The following AKAP6 variants were observed in gnomAD, a reference collection of about 807,000 sequenced individuals.
AKAP6 encodes A-kinase anchor protein 6.
In AKAP6, 58 loss-of-function variants were observed where a neutral mutation model predicts 188.5. The ratio of observed to expected loss-of-function variants is 0.31; its 90% confidence interval spans 0.25 to 0.38. The LOEUF (loss-of-function observed/expected upper bound fraction) is 0.38. Among genes scored for constraint, AKAP6 ranks in the 10% least tolerant of loss-of-function variants. The probability of loss-of-function intolerance (pLI) is 1.00; values close to 1 mark genes in which losing one functional copy is unlikely to be tolerated. For missense variants in AKAP6, 2,710 were observed against 2,740.0 expected (o/e 0.99, Z 0.24); for synonymous variants, 989 against 998.6 (o/e 0.99, Z 0.18).
chr14:32,357,487 G>T (rs998633328), intron 1 of AKAP6, among the ~76,000 whole-genome samples: 2 of 152,144 alleles, frequency 1.3e-5, no homozygotes, highest in African/African-American at 4.8e-5. Flanking sequence ...TCGAGTTGAG[G>T]TTAGATTTAC....
intron 2 of AKAP6, among the ~76,000 whole-genome samples, chr14:32,493,519 A>C (rs1050237727): frequency 6.6e-6 from 1 of 152,124 alleles, no homozygotes; most frequent in East Asian, 1.9e-4. Flanking sequence ...CCTAAGGCAC[A>C]CTAAAAAGAT....
intron 11 of AKAP6, among the ~76,000 whole-genome samples, chr14:32,749,145 A>T (rs536668611): frequency 6.6e-6 from 1 of 152,184 alleles, no homozygotes; most frequent in Admixed American, 6.6e-5. Context: ...CCTATGACCT[A>T]GGACTTTCAG....
intron 2 of AKAP6, among the ~76,000 whole-genome samples, chr14:32,456,390 C>T (rs757684526): frequency 2.0e-5 from 3 of 151,914 alleles, no homozygotes; most frequent in South Asian, 2.1e-4. Flanking sequence ...TCAAAAAAAC[C>T]AAAGAGATCA....
chr14:32,604,318 T>C (rs565983485), intron 7 of AKAP6, among the ~76,000 whole-genome samples: 3 of 152,234 alleles, frequency 2.0e-5, no homozygotes, highest in African/African-American at 4.8e-5. Context: ...CTTGACATGA[T>C]TGAGCCAGCA....
intron 1 of AKAP6, among the ~76,000 whole-genome samples, chr14:32,389,406 G>GT (rs371335059): frequency 1.8e-4 from 27 of 148,218 alleles, no homozygotes; most frequent in South Asian, 8.6e-4. Flanking sequence ...TGTATACCTT[G>GT]TTTTTTTTTT....
chr14:32,383,657 G>A (rs1398972907), intron 1 of AKAP6, among the ~76,000 whole-genome samples: 1 of 152,092 alleles, frequency 6.6e-6, no homozygotes, highest in African/African-American at 2.4e-5. Flanking sequence ...GCCTGCTCTG[G>A]GAGCTCCCTG....
intron 2 of AKAP6, among the ~76,000 whole-genome samples, chr14:32,437,629 C>A (rs1258001816): frequency 6.6e-6 from 1 of 152,076 alleles, no homozygotes; most frequent in Non-Finnish European, 1.5e-5. Flanking sequence ...CAGGGTCTCA[C>A]TCCGTCACCC....
intron 9 of AKAP6, among the ~76,000 whole-genome samples, chr14:32,727,191 C>T (rs2139811389): frequency 6.6e-6 from 1 of 152,190 alleles, no homozygotes; most frequent in East Asian, 1.9e-4. Context: ...TTTTCTCACC[C>T]TTGACATGGG....
chr14:32,347,679 T>C (rs1374097343), intron 1 of AKAP6, among the ~76,000 whole-genome samples: 1 of 152,238 alleles, frequency 6.6e-6, no homozygotes, highest in Non-Finnish European at 1.5e-5. Flanking sequence ...GACTCTCAAT[T>C]CCATGCTGTC....
At chr14:32,380,301 C>G (rs1249636502) in intron 1 of AKAP6, among the ~76,000 whole-genome samples, 2 of 152,172 alleles carry the variant, frequency 1.3e-5, no homozygotes, top group Non-Finnish European at 2.9e-5. Context: ...CACCGGCCCC[C>G]CGTTCTTTCC....
At position 32,408,470 on chromosome 14, in the gene AKAP6, T is replaced by C. The variant is rs375750831; in HGVS notation, c.-34-24990T>C. ...TTCAGAGTAATTGACGGACTGGTTTTGGGTGATGGTTTTAATTACTGGGAG... is the reference window on the plus strand; with the variant it reads ...TTCAGAGTAATTGACGGACTGGTTTCGGGTGATGGTTTTAATTACTGGGAG... On this transcript the variant is annotated intron_variant, in intron 1 of 13. Coordinates refer to ENST00000280979, the MANE Select transcript of AKAP6 (RefSeq NM_004274.5). Among the ~76,000 whole-genome samples, 10 of 150,474 alleles carry C rather than the reference T, an allele frequency of 6.6e-5. No homozygotes were observed. The East Asian group carries it at 1.6e-3, about 23-fold the overall frequency.
At chr14:32,813,123 C>T (rs1373037271) in intron 12 of AKAP6, among the ~76,000 whole-genome samples, 1 of 152,172 alleles carries the variant, frequency 6.6e-6, no homozygotes, top group Admixed American at 6.5e-5. Context: ...ATTCCCACAA[C>T]CCTTCCTTAG....
At chr14:32,772,309 T>C (rs1342520125) in intron 11 of AKAP6, among the ~76,000 whole-genome samples, 2 of 152,088 alleles carry the variant, frequency 1.3e-5, no homozygotes, top group African/African-American at 2.4e-5. Flanking sequence ...TATAGGAAAA[T>C]AGTAATGAAC....
chr14:32,376,189 T>G (rs1888152526), intron 1 of AKAP6: 1 of 152,240 alleles, frequency 6.6e-6, no homozygotes, highest in Non-Finnish European at 1.5e-5. Context: ...CTACCAAGTG[T>G]TTTCCAAAGT....
intron 12 of AKAP6, among the ~76,000 whole-genome samples, chr14:32,785,403 AT>A (rs1305981234): frequency 1.3e-5 from 2 of 152,216 alleles, no homozygotes; most frequent in African/African-American, 4.8e-5. Context: ...TACAGTTTAG[AT>A]TTTTAATATA....
At position 32,502,917 on chromosome 14, in the gene AKAP6, CA is replaced by C. The variant is rs1272349773; in HGVS notation, c.325-32631del. 2.6e-5 allele frequency among the ~76,000 whole-genome samples: 4 copies of C among 151,912 alleles called. No homozygotes were observed. The East Asian group carries it at 7.7e-4, about 29-fold the overall frequency. On this transcript the variant is annotated intron_variant, in intron 2 of 13. Transcript: ENST00000280979. Reference sequence around the variant, plus strand: ...ATAAGCTTGAACATAAGTCATTTCACAAAAAATGTAAACATATTGCATACAT... The same window carrying C: ...ATAAGCTTGAACATAAGTCATTTCACAAAAATGTAAACATATTGCATACAT...
rs540830247 is a variant in AKAP6, at chr14:32,368,447, G to A, written c.-35+39039G>A. Among the ~76,000 whole-genome samples the A allele has an allele frequency of 3.3e-5, 5 of 152,290 alleles. No homozygotes were observed. In the South Asian group the frequency reaches 1.0e-3, roughly 32 times the overall value. On this transcript the variant is annotated intron_variant, in intron 1 of 13. Coordinates refer to ENST00000280979, the MANE Select transcript of AKAP6 (RefSeq NM_004274.5). ...AAGTATGATGAGTATTAGTCTAGGA[G>A]AAGTGCAGAGTGATGTGGGCATACA...
intron 12 of AKAP6, among the ~76,000 whole-genome samples, chr14:32,793,614 C>T (rs1053212694): frequency 6.6e-6 from 1 of 151,700 alleles, no homozygotes. Context: ...CTTGAGAGAT[C>T]ACTGAGACAG....
chr14:32,430,557 G>C (rs1890184642), intron 1 of AKAP6, among the ~76,000 whole-genome samples: 1 of 152,140 alleles, frequency 6.6e-6, no homozygotes, highest in Admixed American at 6.5e-5. Flanking sequence ...GTTTTGCGGT[G>C]AGTGTGTATG....
Sources: gnomAD v4.1 joint callset for allele counts (sites outside exome capture counted in the v4.1 genomes callset) on GRCh38, gnomAD v4.1.1 for gene constraint, MANE v1.5 for transcripts, NCBI Gene and HGNC (gene_info 2026-07-23, HGNC 2026-07-21) for gene names.